The following SLC25A48 variants were observed in gnomAD, a reference collection of about 807,000 sequenced individuals.
SLC25A48 encodes CTC-321K16.1.
Under a neutral mutation model 32.2 loss-of-function variants are expected in SLC25A48, and 29 were observed. That is an observed-to-expected ratio of 0.90 (90% CI 0.67 to 1.23). The LOEUF (loss-of-function observed/expected upper bound fraction) is 1.23. Among genes scored for constraint, SLC25A48 ranks in the 50% most tolerant of loss-of-function variants. The probability of loss-of-function intolerance (pLI) is 0.00; values close to 1 mark genes in which losing one functional copy is unlikely to be tolerated. For missense variants in SLC25A48, 399 were observed against 422.7 expected (o/e 0.94, Z 0.49); for synonymous variants, 164 against 172.3 (o/e 0.95, Z 0.38).
intron 3 of SLC25A48, among the ~76,000 whole-genome samples, chr5:135,681,156 G>C (rs1753889101): frequency 6.6e-6 from 1 of 152,078 alleles, no homozygotes; most frequent in Non-Finnish European, 1.5e-5. Context: ...TGTATCTTTA[G>C]TAGAGATGGG....
chr5:135,810,205 T>A (rs1757561819), intron 3 of SLC25A48, among the ~76,000 whole-genome samples: 3 of 152,186 alleles, frequency 2.0e-5, no homozygotes, highest in Admixed American at 2.0e-4. Flanking sequence ...TTTGACCAAA[T>A]TGGCCCTGAG....
At chr5:135,611,194 A>G (rs749407491) in intron 1 of SLC25A48, among the ~76,000 whole-genome samples, 10 of 152,190 alleles carry the variant, frequency 6.6e-5, no homozygotes, top group African/African-American at 2.2e-4. Context: ...TGTAAATGCT[A>G]CGGTGCAAAG....
chr5:135,882,516 A>G (rs986576057), intron 7 of SLC25A48, among the ~76,000 whole-genome samples: 1 of 152,180 alleles, frequency 6.6e-6, no homozygotes, highest in Non-Finnish European at 1.5e-5. Flanking sequence ...TACAGATGAC[A>G]GGGATGACTT....
At chr5:135,831,107 A>C (rs933636862), upstream of SLC25A48, among the ~76,000 whole-genome samples, 1 of 152,190 alleles carries the variant, frequency 6.6e-6, no homozygotes, top group East Asian at 1.9e-4. Context: ...GGGAGTGATC[A>C]GTGCAAAAGC....
chr5:135,739,527 C>T (rs577562315), intron 3 of SLC25A48, among the ~76,000 whole-genome samples: 18 of 152,294 alleles, frequency 1.2e-4, no homozygotes, highest in African/African-American at 4.1e-4. Context: ...ATGACAGACA[C>T]CTGCCTGCCT....
intron 3 of SLC25A48, among the ~76,000 whole-genome samples, chr5:135,694,014 C>A (rs535861681): frequency 2.0e-5 from 3 of 152,174 alleles, no homozygotes; most frequent in East Asian, 3.9e-4. Context: ...TGAAAGGCTG[C>A]GATGAGGGTG....
At chr5:135,773,131 T>A (rs1756458394) in intron 3 of SLC25A48, among the ~76,000 whole-genome samples, 1 of 151,190 alleles carries the variant, frequency 6.6e-6, no homozygotes, top group Non-Finnish European at 1.5e-5. Flanking sequence ...GATATTGTTT[T>A]GTAATATCCA....
chr5:135,720,732 A>G (rs1052506241), intron 3 of SLC25A48, among the ~76,000 whole-genome samples: 15 of 152,152 alleles, frequency 9.9e-5, no homozygotes, highest in African/African-American at 3.6e-4. Flanking sequence ...AAAAGGGAAG[A>G]GAGGAACATA....
chr5:135,815,792 G>T (rs1351838747), intron 4 of SLC25A48, among the ~76,000 whole-genome samples: 4 of 152,074 alleles, frequency 2.6e-5, no homozygotes, highest in Non-Finnish European at 5.9e-5. Flanking sequence ...GCATGTTCTT[G>T]CCATATCTGA....
intron 1 of SLC25A48, 75 bp downstream of exon 1, chr5:135,834,968 CTT>C: frequency 1.3e-6 from 2 of 1,518,864 alleles, no homozygotes; most frequent in South Asian, 1.2e-5. Context: ...TCTGAGGAAA[CTT>C]TGCCTCTGTG....
chr5:135,880,005 G>C lies in SLC25A48; in HGVS notation c.851G>C (p.Gly284Ala). The C allele has an allele frequency of 6.5e-7, 1 of 1,536,412 alleles. No homozygotes were observed. Among genetic ancestry groups the C allele is most frequent in the Non-Finnish European group, 8.7e-7 (1 of 1,146,960 alleles). The change falls in exon 7 of 8, where the codon GGC becomes GCC. Residue 284 changes from glycine to alanine, a missense_variant. Coordinates refer to ENST00000681962, the MANE Select transcript of SLC25A48 (RefSeq NM_001349336.2). ...FRGITVNAVR[G>A]FPMSAAMFLG... ...GGCATCACTGTGAACGCGGTGCGGGGCTTCCCCATGAGTGCGGCCATGTTC... is the reference window on the plus strand; with the variant it reads ...GGCATCACTGTGAACGCGGTGCGGGCCTTCCCCATGAGTGCGGCCATGTTC...
chr5:135,786,109 A>G (rs1756842791), intron 3 of SLC25A48, among the ~76,000 whole-genome samples: 1 of 145,444 alleles, frequency 6.9e-6, no homozygotes, highest in African/African-American at 2.6e-5. Context: ...GGGTGATATT[A>G]CTCCCCATGA....
chr5:135,590,321 G>A (rs1019116030), intron 1 of SLC25A48, among the ~76,000 whole-genome samples: 1 of 152,132 alleles, frequency 6.6e-6, no homozygotes, highest in Non-Finnish European at 1.5e-5. Context: ...GCCTGCCTGG[G>A]TTGCAGTTGG....
chr5:135,727,799 T>A (rs1157445984), intron 3 of SLC25A48, among the ~76,000 whole-genome samples: 1 of 152,250 alleles, frequency 6.6e-6, no homozygotes, highest in East Asian at 1.9e-4. Flanking sequence ...TTGCTGTAGC[T>A]ATAAAAGTAA....
intron 4 of SLC25A48, among the ~76,000 whole-genome samples, chr5:135,820,736 G>A (rs1279724090): frequency 6.6e-6 from 1 of 152,194 alleles, no homozygotes; most frequent in Non-Finnish European, 1.5e-5. Flanking sequence ...GTGACGTTGA[G>A]TCGAGTGACT....
intron 3 of SLC25A48, among the ~76,000 whole-genome samples, chr5:135,662,694 G>T (rs1224154153): frequency 1.4e-5 from 1 of 69,574 alleles, no homozygotes; most frequent in Non-Finnish European, 3.5e-5. Context: ...CTTTTGACCT[G>T]CCTCTCCCCC....
At chr5:135,636,977 G>A (rs933045400) in intron 3 of SLC25A48, among the ~76,000 whole-genome samples, 2 of 128,842 alleles carry the variant, frequency 1.6e-5, no homozygotes, top group Admixed American at 7.8e-5. Context: ...TATCCGTTAC[G>A]AGTAGGGTGG....
chr5:135,636,668 C>T (rs1273958779), intron 3 of SLC25A48, among the ~76,000 whole-genome samples: 20 of 152,186 alleles, frequency 1.3e-4, no homozygotes, highest in Admixed American at 1.3e-3. Flanking sequence ...TGATCAATAG[C>T]TCAGCATGTG....
intron 3 of SLC25A48, among the ~76,000 whole-genome samples, chr5:135,639,912 A>C (rs1580745231): frequency 6.6e-6 from 1 of 152,242 alleles, no homozygotes; most frequent in Non-Finnish European, 1.5e-5. Flanking sequence ...ATTACTAGAC[A>C]TACTAAGAAG....
Sources: gnomAD v4.1 joint callset for allele counts (sites outside exome capture counted in the v4.1 genomes callset) on GRCh38, gnomAD v4.1.1 for gene constraint, MANE v1.5 for transcripts, NCBI Gene and HGNC (gene_info 2026-07-23, HGNC 2026-07-21) for gene names.